The following NAALADL2 variants were observed in gnomAD, a reference collection of about 807,000 sequenced individuals.
NAALADL2 encodes the protein N-acetylated alpha-linked acidic dipeptidase like 2, also known as inactive N-acetylated-alpha-linked acidic dipeptidase-like protein 2.
Under a neutral mutation model 87.2 loss-of-function variants are expected in NAALADL2, and 76 were observed. The observed-to-expected ratio is 0.87, with a 90% CI of 0.72 to 1.05. NAALADL2 has a LOEUF of 1.05. Among genes scored for constraint, NAALADL2 ranks in the 50% least tolerant of loss-of-function variants. The pLI is 0.00. For synonymous variants in NAALADL2, 354 were observed against 331.0 expected, an observed-to-expected ratio of 1.07 and a Z score of -0.75; for missense variants, 1,089 against 945.8, an observed-to-expected ratio of 1.15 and a Z score of -1.99.
In NAALADL2 at chr3:175,092,028, C is replaced by T. The variant is rs183177884; in HGVS notation, c.44-4762C>T. Among the ~76,000 whole-genome samples the T allele has an allele frequency of 7.6e-4, 116 of 151,696 alleles. 1 individual carries two copies. Among genetic ancestry groups the T allele is most frequent in the Middle Eastern group, 3.4e-3 (1 of 294 alleles). On this transcript the variant is annotated intron_variant, in intron 1 of 13. Coordinates refer to ENST00000454872, the MANE Select transcript of NAALADL2 (RefSeq NM_207015.3). ...TCTATTTTCTTAGCTCTATAGAATT[C>T]GTGGAAAAAAATAGTGAATGACTGC...
chr3:174,920,652 C>T (rs1403040372), intron 1 of NAALADL2, among the ~76,000 whole-genome samples: 1 of 152,156 alleles, frequency 6.6e-6, no homozygotes, highest in African/African-American at 2.4e-5. Context: ...CTATATTCGA[C>T]GGAATGGCAC....
At position 175,310,394 on chromosome 3, in the gene NAALADL2, T is replaced by A. The variant is rs919667866; in HGVS notation, c.940-13781T>A. Among the ~76,000 whole-genome samples the A allele has an allele frequency of 2.0e-5, 3 of 151,962 alleles. No individual in the cohort carries two copies. The South Asian group carries it at 6.2e-4, about 32-fold the overall frequency. On this transcript the variant is annotated intron_variant, in intron 4 of 13. Coordinates refer to ENST00000454872, the MANE Select transcript of NAALADL2 (RefSeq NM_207015.3). ...TTAGTATTTCAGTTATAAAGACAAT[T>A]TTGAAGGCAGTAGAAATAGAAGAAT...
intron 3 of NAALADL2, among the ~76,000 whole-genome samples, chr3:174,817,622 A>G (rs1408292394): frequency 6.6e-6 from 1 of 152,184 alleles, no homozygotes; most frequent in South Asian, 2.1e-4. Flanking sequence ...ATAATTTTTA[A>G]AAAATTTAAA....
intron 11 of NAALADL2, among the ~76,000 whole-genome samples, chr3:175,667,295 A>G (rs1733326483): frequency 6.6e-6 from 1 of 152,072 alleles, no homozygotes; most frequent in African/African-American, 2.4e-5. Flanking sequence ...TGAAGGGGTT[A>G]AATTGACTAA....
intron 2 of NAALADL2, among the ~76,000 whole-genome samples, chr3:174,640,237 G>A (rs1012431665): frequency 2.6e-5 from 4 of 152,194 alleles, no homozygotes; most frequent in Non-Finnish European, 4.4e-5. Flanking sequence ...TGCTTCTCAT[G>A]TAGGCAAATG....
intron 10 of NAALADL2, among the ~76,000 whole-genome samples, chr3:175,597,071 A>G (rs1722345269): frequency 6.6e-6 from 1 of 151,962 alleles, no homozygotes; most frequent in Non-Finnish European, 1.5e-5. Flanking sequence ...ATGCATAATG[A>G]CTTTTATTTC....
intron 1 of NAALADL2, among the ~76,000 whole-genome samples, chr3:175,081,854 C>A (rs972670843): frequency 1.3e-5 from 2 of 152,132 alleles, no homozygotes; most frequent in Non-Finnish European, 2.9e-5. Flanking sequence ...TTTATATTTT[C>A]ATGACTCTAA....
intron 3 of NAALADL2, among the ~76,000 whole-genome samples, chr3:174,782,767 A>G (rs1384771345): frequency 6.6e-6 from 1 of 152,014 alleles, no homozygotes; most frequent in African/African-American, 2.4e-5. Context: ...AAAGGGGGAA[A>G]AGCCGCTTAT....
intron 5 of NAALADL2, among the ~76,000 whole-genome samples, chr3:175,338,756 C>T (rs192084622): frequency 2.8e-4 from 43 of 151,876 alleles, no homozygotes; most frequent in Middle Eastern, 3.4e-3. Context: ...AGCAGGAGTG[C>T]AAGAGTTCCT....
intron 2 of NAALADL2, among the ~76,000 whole-genome samples, chr3:175,202,746 G>A (rs1740234614): frequency 6.6e-6 from 1 of 152,016 alleles, no homozygotes; most frequent in Admixed American, 6.6e-5. Context: ...AGGTCGGGCT[G>A]GGCTAAGTGT....
chr3:175,419,251 A>C (rs9817420), intron 5 of NAALADL2, among the ~76,000 whole-genome samples: 131 of 151,684 alleles, frequency 8.6e-4, no homozygotes, highest in African/African-American at 3.0e-3. Flanking sequence ...GTCCTGAAGC[A>C]GGTAGATAAA....
intron 3 of NAALADL2, among the ~76,000 whole-genome samples, chr3:174,758,993 A>G (rs1712514617): frequency 6.6e-6 from 1 of 152,212 alleles, no homozygotes; most frequent in Non-Finnish European, 1.5e-5. Flanking sequence ...GTATGTAAAT[A>G]ATTATGCCAG....
chr3:174,694,373 C>T (rs1397293631), intron 2 of NAALADL2, among the ~76,000 whole-genome samples: 5 of 152,160 alleles, frequency 3.3e-5, no homozygotes, highest in African/African-American at 1.2e-4. Flanking sequence ...GATAGAAATA[C>T]AGATATAATA....
intron 4 of NAALADL2, among the ~76,000 whole-genome samples, chr3:175,262,038 A>G: frequency 6.6e-6 from 1 of 152,082 alleles, no homozygotes; most frequent in East Asian, 1.9e-4. Context: ...AGAAAAGCAG[A>G]CTTGACACTC....
intron 1 of NAALADL2, among the ~76,000 whole-genome samples, chr3:175,070,990 T>A (rs1559987195): frequency 6.6e-6 from 1 of 152,034 alleles, no homozygotes; most frequent in Non-Finnish European, 1.5e-5. Context: ...TTCAAGATGT[T>A]CTATTAGTAG....
At chr3:175,674,457 G>A (rs1428573579) in intron 11 of NAALADL2, among the ~76,000 whole-genome samples, 1 of 151,744 alleles carries the variant, frequency 6.6e-6, no homozygotes, top group Non-Finnish European at 1.5e-5. Flanking sequence ...GTAGAGAAGG[G>A]GTTTCACCAT....
At chr3:175,421,388 G>A (rs759507322) in intron 5 of NAALADL2, among the ~76,000 whole-genome samples, 4 of 152,030 alleles carry the variant, frequency 2.6e-5, no homozygotes, top group Non-Finnish European at 5.9e-5. Context: ...TCTGGCAGTG[G>A]TGTCTGGAAA....
At chr3:175,699,910 T>C (rs1056916207) in intron 11 of NAALADL2, among the ~76,000 whole-genome samples, 1 of 152,100 alleles carries the variant, frequency 6.6e-6, no homozygotes, top group Non-Finnish European at 1.5e-5. Context: ...GGACAGGAGA[T>C]TCAAAGATGT....
intron 13 of NAALADL2, among the ~76,000 whole-genome samples, chr3:175,775,454 C>G (rs1750095316): frequency 6.6e-6 from 1 of 152,060 alleles, no homozygotes; most frequent in South Asian, 2.1e-4. Context: ...TCTGATTTCT[C>G]TAAAGCCTCA....
Sources: allele counts gnomAD v4.1 joint callset (sites outside exome capture counted in the v4.1 genomes callset), GRCh38; gene constraint gnomAD v4.1.1; transcripts MANE v1.5; gene names NCBI Gene and HGNC (gene_info 2026-07-23, HGNC 2026-07-21).